The following RASA1 variants were observed in gnomAD, a reference collection of about 807,000 sequenced individuals.
RASA1 encodes RAS p21 protein activator 1.
Under a neutral mutation model 132.2 loss-of-function variants are expected in RASA1, and 25 were observed. The observed-to-expected ratio is 0.19, with a 90% CI of 0.14 to 0.26. The LOEUF (loss-of-function observed/expected upper bound fraction) is 0.26, where lower values mean the gene tolerates loss of function less well. RASA1 is among the 10% of genes least tolerant of loss of function. The pLI, the probability that RASA1 is intolerant of heterozygous loss-of-function variation, is 1.00. For synonymous variants in RASA1, 477 were observed against 449.9 expected (o/e 1.06, Z -0.76); for missense variants, 964 against 1,299.2 (o/e 0.74, Z 3.97).
chr5:87,358,996 C>T (rs16902632), intron 9 of RASA1, among the ~76,000 whole-genome samples: 52,864 of 152,034 alleles, frequency 0.35, 9,526 homozygotes, highest in East Asian at 0.48. Context: ...TTGCTCAACC[C>T]TGCGGAGCAC....
At chr5:87,282,478 T>C (rs1754360042) in intron 1 of RASA1, among the ~76,000 whole-genome samples, 1 of 152,244 alleles carries the variant, frequency 6.6e-6, no homozygotes. Context: ...CTTTTCTCTG[T>C]AATTGCTTTC....
intron 6 of RASA1, among the ~76,000 whole-genome samples, chr5:87,346,063 A>T (rs530368029): frequency 6.6e-6 from 1 of 152,200 alleles, no homozygotes; most frequent in African/African-American, 2.4e-5. Context: ...AATAATTTCT[A>T]AAGGCTTAAT....
At chr5:87,301,979 A>G (rs147708146) in intron 1 of RASA1, among the ~76,000 whole-genome samples, 2 of 152,236 alleles carry the variant, frequency 1.3e-5, no homozygotes, top group East Asian at 3.9e-4. Flanking sequence ...GTCTAGTTTG[A>G]CTATTACAGA....
Position 87,270,595 on chromosome 5 carries a change from C to A in RASA1, c.539+1605C>A, listed in dbSNP as rs1313274975. ...CTCCTGACCTCAGGTGATCCGCCGG[C>A]CTCAGCCTCCCAAAGTGGTGGGATT... On this transcript the variant is annotated intron_variant, in intron 1 of 24. Transcript: ENST00000274376. Among the ~76,000 whole-genome samples, 4 of 149,340 alleles carry A rather than the reference C, an allele frequency of 2.7e-5. No individual in the cohort carries two copies. The East Asian group carries it at 8.0e-4, about 30-fold the overall frequency.
At chr5:87,377,112 A>ATC in intron 17 of RASA1, 72 bp downstream of exon 17, 1 of 1,492,432 alleles carries the variant, frequency 6.7e-7, no homozygotes, top group Non-Finnish European at 9.3e-7. Context: ...TATGGACTCT[A>ATC]TCTCTGAATA....
At chr5:87,274,926 G>A (rs971254436) in intron 1 of RASA1, among the ~76,000 whole-genome samples, 5 of 152,158 alleles carry the variant, frequency 3.3e-5, no homozygotes, top group Non-Finnish European at 7.3e-5. Flanking sequence ...AGTTACCTGT[G>A]GTCTGGAGGG....
At chr5:87,338,721 A>G (rs1360448157) in intron 5 of RASA1, among the ~76,000 whole-genome samples, 1 of 150,486 alleles carries the variant, frequency 6.6e-6, no homozygotes, top group Non-Finnish European at 1.5e-5. Context: ...TCTTCCTCAT[A>G]AGTGAAGTTA....
At chr5:87,269,162 C>A in intron 1 of RASA1, 172 bp downstream of exon 1, 1 of 1,612,354 alleles carries the variant, frequency 6.2e-7, no homozygotes, top group Non-Finnish European at 8.5e-7. Flanking sequence ...TCCTTACAGG[C>A]ATACTACCTG....
chr5:87,327,704 C>T (rs1757328047), intron 1 of RASA1, among the ~76,000 whole-genome samples: 1 of 152,168 alleles, frequency 6.6e-6, no homozygotes, highest in Non-Finnish European at 1.5e-5. Flanking sequence ...GTGGCTCACA[C>T]CTGTAATCTC....
At chr5:87,302,326 A>G (rs1159763474) in intron 1 of RASA1, among the ~76,000 whole-genome samples, 1 of 151,740 alleles carries the variant, frequency 6.6e-6, no homozygotes, top group Non-Finnish European at 1.5e-5. Context: ...TCATATGTTC[A>G]TTGGTCATTT....
At chr5:87,313,544 C>T (rs1223178244) in intron 1 of RASA1, among the ~76,000 whole-genome samples, 4 of 152,166 alleles carry the variant, frequency 2.6e-5, no homozygotes, top group Admixed American at 2.6e-4. Flanking sequence ...CTCCCACCTG[C>T]CAGTGTCTAC....
chr5:87,283,418 G>A (rs1348774599), intron 1 of RASA1, among the ~76,000 whole-genome samples: 1 of 151,596 alleles, frequency 6.6e-6, no homozygotes, highest in Non-Finnish European at 1.5e-5. Flanking sequence ...TTGATTGTAT[G>A]TTGGGCATTT....
chr5:87,374,378 C>G, intron 14 of RASA1, 58 bp downstream of exon 14: 7 of 1,509,404 alleles, frequency 4.6e-6, no homozygotes, highest in Non-Finnish European at 6.3e-6. Flanking sequence ...GCATTTCTTT[C>G]TGTTTTTTTG....
intron 23 of RASA1, among the ~76,000 whole-genome samples, chr5:87,387,982 C>T (rs1762181267): frequency 6.6e-6 from 1 of 152,122 alleles, no homozygotes; most frequent in African/African-American, 2.4e-5. Context: ...TATTTCTTCA[C>T]CACCTGTATA....
chr5:87,378,720 T>A (rs931536277), intron 18 of RASA1, among the ~76,000 whole-genome samples, 182 bp downstream of exon 18: 1 of 152,198 alleles, frequency 6.6e-6, no homozygotes, highest in Non-Finnish European at 1.5e-5. Context: ...TTAAAAAAGA[T>A]GTACTTTATT....
chr5:87,272,181 T>C (rs966569679), intron 1 of RASA1, among the ~76,000 whole-genome samples: 1 of 151,882 alleles, frequency 6.6e-6, no homozygotes, highest in African/African-American at 2.4e-5. Flanking sequence ...TGAGTACTTA[T>C]GAAAAATTGT....
Position 87,389,487 on chromosome 5 carries a change from A to G in RASA1, c.3020A>G (p.Asp1007Gly). The change falls in exon 24 of 25, where the codon GAT becomes GGT. Residue 1007 changes from aspartate (D) to glycine (G), a missense_variant. By Grantham distance (94) the Asp-to-Gly change is moderately conservative. Transcript: ENST00000274376. ...ALHEICVAHS[D>G]ELRTLSNERG... Reference sequence around the variant, plus strand: ...CATGAGATTTGCGTGGCTCATTCAGATGAACTTCGAACGCTCAGTAATGAG... The same window carrying G: ...CATGAGATTTGCGTGGCTCATTCAGGTGAACTTCGAACGCTCAGTAATGAG... 1 of 1,614,120 alleles carries G rather than the reference A, an allele frequency of 6.2e-7. No individual in the cohort carries two copies. The highest frequency in any genetic ancestry group is 1.3e-5 in the African/African-American group (1 of 75,048).
intron 1 of RASA1, among the ~76,000 whole-genome samples, chr5:87,308,304 A>G (rs964254038): frequency 6.6e-6 from 1 of 152,066 alleles, no homozygotes; most frequent in Non-Finnish European, 1.5e-5. Context: ...AAAGTGGCAG[A>G]GTGGCTGCTG....
chr5:87,271,249 A>G (rs1294419797), intron 1 of RASA1, among the ~76,000 whole-genome samples: 1 of 152,102 alleles, frequency 6.6e-6, no homozygotes, highest in African/African-American at 2.4e-5. Flanking sequence ...AAAACAAACA[A>G]ACAAACAAAA....
Sources: gnomAD v4.1 joint callset for allele counts (sites outside exome capture counted in the v4.1 genomes callset) on GRCh38, gnomAD v4.1.1 for gene constraint, MANE v1.5 for transcripts, NCBI Gene and HGNC (gene_info 2026-07-23, HGNC 2026-07-21) for gene names.